C1QTNF5: variants seen among roughly 807,000 people sequenced by gnomAD.
C1QTNF5 encodes complement C1q tumor necrosis factor-related protein 5.
In C1QTNF5, 5 loss-of-function variants were observed where a neutral mutation model predicts 10.9. The ratio of observed to expected loss-of-function variants is 0.46; its 90% CI spans 0.24 to 0.97. The LOEUF (loss-of-function observed/expected upper bound fraction) is 0.97, where lower values mean the gene tolerates loss of function less well. Ranked by LOEUF, C1QTNF5 falls within the 50% of genes least tolerant of loss-of-function variation. The probability of loss-of-function intolerance (pLI) is 0.19; values close to 1 mark genes in which losing one functional copy is unlikely to be tolerated. For missense variants in C1QTNF5, 281 were observed against 339.4 expected, an observed-to-expected ratio of 0.83 and a Z score of 1.35; for synonymous variants, 161 against 156.5, an observed-to-expected ratio of 1.03 and a Z score of -0.22.
upstream of C1QTNF5, chr11:119,345,547 A>G: frequency 6.2e-7 from 1 of 1,614,012 alleles, no homozygotes; most frequent in South Asian, 1.1e-5. Flanking sequence ...TGGATATGCC[A>G]CACGCAGTGG....
At chr11:119,344,964 C>A, upstream of C1QTNF5, 1 of 1,609,324 alleles carries the variant, frequency 6.2e-7, no homozygotes. Flanking sequence ...AGGTGGCTGG[C>A]ATTGGTGTTG....
At chr11:119,342,506 G>C, upstream of C1QTNF5, 1 of 1,536,750 alleles carries the variant, frequency 6.5e-7, no homozygotes, top group Non-Finnish European at 8.8e-7. Flanking sequence ...CCCTCAGGGA[G>C]GTTGGGATGG....
At chr11:119,342,877 C>G, upstream of C1QTNF5, 1 of 1,613,092 alleles carries the variant, frequency 6.2e-7, no homozygotes, top group Non-Finnish European at 8.5e-7. Context: ...ACCTACTCTC[C>G]GTGGCATTGA....
upstream of C1QTNF5, chr11:119,345,101 C>T: frequency 6.1e-6 from 9 of 1,484,800 alleles, no homozygotes; most frequent in Non-Finnish European, 8.2e-6. Flanking sequence ...TCTCAACCCC[C>T]AAACTGGTGA....
At chr11:119,344,850 A>G, upstream of C1QTNF5, 2 of 1,613,458 alleles carry the variant, frequency 1.2e-6, no homozygotes, top group Middle Eastern at 1.6e-4. Context: ...TGGACACTCA[A>G]CAGGCAGGTG....
the C1QTNF5 span, chr11:119,346,147 C>G: frequency 1.3e-6 from 2 of 1,593,414 alleles, no homozygotes; most frequent in South Asian, 2.3e-5. Flanking sequence ...CCGTAGCCCT[C>G]GAGGACGCCG....
upstream of C1QTNF5, chr11:119,344,584 A>C (rs2135371876): frequency 6.2e-7 from 1 of 1,613,452 alleles, no homozygotes. Context: ...GCCCAGCTTG[A>C]ACCCAGATCA....
upstream of C1QTNF5, chr11:119,344,520 T>C (rs1480735844): frequency 1.3e-6 from 2 of 1,592,516 alleles, no homozygotes; most frequent in South Asian, 1.1e-5. Flanking sequence ...AAAGAATGAC[T>C]GAGCAGGAAA....
rs1397431142 is a variant in C1QTNF5, at chr11:119,339,841, C to T, written c.222G>A (p.Pro74=). The change falls in exon 3 of 3, where the codon CCG becomes CCA. Residue 74 remains proline (P), a synonymous_variant. Transcript: ENST00000528368. This position sits in a 1 kb window ranked among gnomAD's most constrained non-coding sequence, Gnocchi z 5.4. ...GCGGCCCGGGGTCCCCTCGAGGTCC[C>T]GGCAGTCCTGCGGGGTAAGCGGGGC... The part of the protein sequence containing the change: ...EKGEGGRPGL[P]GPRGDPGPRG... 14 of 1,492,594 alleles carry T rather than the reference C, an allele frequency of 9.4e-6. No homozygotes were observed. Among genetic ancestry groups the T allele is most frequent in the East Asian group, 2.5e-5 (1 of 40,596 alleles). 92.5% of individuals were successfully genotyped at this position (1,492,594 alleles called of 1,614,324 possible).
chr11:119,342,609 C>A (rs145881139), upstream of C1QTNF5: 13,173 of 1,613,338 alleles, frequency 8.2e-3, 87 homozygotes, highest in Middle Eastern at 0.033. Flanking sequence ...GGGGTGGGAA[C>A]AAGGGGCCGC....
At chr11:119,346,169 G>A in the C1QTNF5 span, 3 of 1,580,664 alleles carry the variant, frequency 1.9e-6, no homozygotes, top group Non-Finnish European at 2.6e-6. Context: ...CCTGCGGGTT[G>A]GCAGGTGGGG....
At position 119,339,654 on chromosome 11, in the gene C1QTNF5, C is replaced by G. The variant is rs1390254891; in HGVS notation, c.409G>C (p.Asp137His). The G allele has an allele frequency of 6.2e-7, 1 of 1,612,370 alleles. No homozygotes were observed. Among genetic ancestry groups the G allele is most frequent in the South Asian group, 1.1e-5 (1 of 91,090 alleles). The part of the protein sequence containing the change: ...RVLVNEQGHY[D>H]AVTGKFTCQV... ...CAGGTGAACTTGCCGGTGACGGCGT[C>G]GTAATGTCCCTGCTCGTTCACCAGC... The change falls in exon 3 of 3, where the codon GAC becomes CAC. Residue 137 changes from aspartate (D) to histidine (H), a missense_variant. By Grantham distance (81) the Asp-to-His change is moderately conservative. Coordinates refer to ENST00000528368, the MANE Select transcript of C1QTNF5 (RefSeq NM_001278431.2). This position sits in a 1 kb window ranked among gnomAD's most constrained non-coding sequence, Gnocchi z 5.4.
the C1QTNF5 span, chr11:119,346,033 C>T: frequency 3.9e-5 from 63 of 1,612,112 alleles, no homozygotes; most frequent in African/African-American, 6.7e-4. Context: ...TCAAGCTGTC[C>T]CCGGGTACTT....
At chr11:119,344,416 G>A, upstream of C1QTNF5, 2 of 1,607,452 alleles carry the variant, frequency 1.2e-6, no homozygotes, top group South Asian at 2.2e-5. Context: ...AAGGGCTCAT[G>A]AGTTTGCTAG....
upstream of C1QTNF5, chr11:119,341,310 G>T (rs939835152): frequency 2.8e-5 from 16 of 574,504 alleles, no homozygotes; most frequent in Non-Finnish European, 4.7e-5. Flanking sequence ...GGTCTCGATT[G>T]TCCGGTGGCA....
At chr11:119,342,844 C>T (rs376122111), upstream of C1QTNF5, 45 of 1,612,896 alleles carry the variant, frequency 2.8e-5, no homozygotes, top group Non-Finnish European at 3.6e-5. Flanking sequence ...GCCTCTACTG[C>T]CCCCACCCAC....
At chr11:119,341,541 T>A, upstream of C1QTNF5, 1 of 1,611,216 alleles carries the variant, frequency 6.2e-7, no homozygotes, top group South Asian at 1.1e-5. Flanking sequence ...AGGGGCCGGC[T>A]TCAGGGTCAG....
At chr11:119,344,033 T>A (rs565785781), upstream of C1QTNF5, 2 of 1,595,610 alleles carry the variant, frequency 1.3e-6, no homozygotes, top group Non-Finnish European at 8.5e-7. Flanking sequence ...CCCAGAAGGG[T>A]CTTCTTCCCC....
upstream of C1QTNF5, chr11:119,344,898 A>G: frequency 6.2e-7 from 1 of 1,612,880 alleles, no homozygotes; most frequent in South Asian, 1.1e-5. Context: ...ATAGCCTGGT[A>G]CCAGGCATGG....
Sources: allele counts gnomAD v4.1 joint callset, GRCh38; gene constraint gnomAD v4.1.1; non-coding constraint Gnocchi (gnomAD v3.1); transcripts MANE v1.5; gene names NCBI Gene and HGNC (gene_info 2026-07-23, HGNC 2026-07-21).